The following NALF1 variants were observed in gnomAD, a reference collection of about 807,000 sequenced individuals.
The protein encoded by NALF1 is family with sequence similarity 155 member A.
Under a neutral mutation model 48.4 loss-of-function variants are expected in NALF1, and 3 were observed. The ratio of observed to expected loss-of-function variants is 0.06; its 90% CI spans 0.03 to 0.16. The LOEUF is 0.16. NALF1 is among the 10% of genes least tolerant of loss of function. NALF1 has a pLI of 1.00. For missense variants in NALF1, 526 were observed against 571.5 expected (o/e 0.92, Z 0.81); for synonymous variants, 262 against 245.7 (o/e 1.07, Z -0.62).
chr13:107,509,837 A>C (rs1875822845), intron 1 of NALF1, among the ~76,000 whole-genome samples: 1 of 151,910 alleles, frequency 6.6e-6, no homozygotes, highest in South Asian at 2.1e-4. Context: ...TTAGGGTTTC[A>C]CTCTGTCACC....
At chr13:107,501,078 T>C (rs1029625526) in intron 1 of NALF1, among the ~76,000 whole-genome samples, 2 of 151,858 alleles carry the variant, frequency 1.3e-5, no homozygotes, top group Non-Finnish European at 2.9e-5. Context: ...ATTGTGCACA[T>C]GTACCCTAAA....
intron 1 of NALF1, among the ~76,000 whole-genome samples, chr13:107,730,300 C>T (rs1271233844): frequency 6.6e-6 from 1 of 152,176 alleles, no homozygotes; most frequent in Non-Finnish European, 1.5e-5. Context: ...CAGTGGGATT[C>T]AGGCTCAATC....
At chr13:107,441,131 T>A (rs1055146209) in intron 1 of NALF1, among the ~76,000 whole-genome samples, 1 of 152,192 alleles carries the variant, frequency 6.6e-6, no homozygotes, top group South Asian at 2.1e-4. Context: ...TATTAAAAAA[T>A]ATCAGACTGA....
intron 1 of NALF1, among the ~76,000 whole-genome samples, chr13:107,224,509 T>C (rs1427757960): frequency 3.3e-5 from 5 of 150,624 alleles, no homozygotes; most frequent in Non-Finnish European, 5.9e-5. Flanking sequence ...TGGCAATTGG[T>C]AAAAAAGGTA....
At chr13:107,754,354 A>AACACACACACAC (rs6145234) in intron 1 of NALF1, among the ~76,000 whole-genome samples, 1 of 142,308 alleles carries the variant, frequency 7.0e-6, no homozygotes, top group Non-Finnish European at 1.5e-5. Context: ...GTACATTGTG[A>AACACACACACAC]ACACACACAC....
intron 1 of NALF1, among the ~76,000 whole-genome samples, chr13:107,854,421 A>ACCAG (rs2138644855): frequency 6.6e-6 from 1 of 152,300 alleles, no homozygotes; most frequent in East Asian, 1.9e-4. Flanking sequence ...GTCCATAACC[A>ACCAG]CCAGTCTGCT....
intron 1 of NALF1, among the ~76,000 whole-genome samples, chr13:107,731,651 G>A (rs1475907832): frequency 1.3e-5 from 2 of 152,164 alleles, no homozygotes; most frequent in Admixed American, 6.6e-5. Context: ...AGAACAGGCA[G>A]TATTTGTTTT....
At chr13:107,209,236 T>C (rs1879707115) in intron 2 of NALF1, among the ~76,000 whole-genome samples, 1 of 152,212 alleles carries the variant, frequency 6.6e-6, no homozygotes, top group Non-Finnish European at 1.5e-5. Context: ...CTGGGCACAG[T>C]GGCTCACGCC....
chr13:107,712,954 T>C (rs1875648052), intron 1 of NALF1, among the ~76,000 whole-genome samples: 1 of 152,216 alleles, frequency 6.6e-6, no homozygotes, highest in African/African-American at 2.4e-5. Flanking sequence ...TCCACCTGTC[T>C]GGAGGTGGAC....
At chr13:107,855,912 A>ATT (rs201378763) in intron 1 of NALF1, among the ~76,000 whole-genome samples, 70 of 147,576 alleles carry the variant, frequency 4.7e-4, no homozygotes, top group Non-Finnish European at 6.9e-4. Flanking sequence ...AAGAGCGAGA[A>ATT]TTTTTTTTTT....
chr13:107,422,561 T>C (rs931553753), intron 1 of NALF1, among the ~76,000 whole-genome samples: 1 of 151,854 alleles, frequency 6.6e-6, no homozygotes, highest in Admixed American at 6.6e-5. Flanking sequence ...TTCAACTTCC[T>C]GCTTCATGTT....
intron 1 of NALF1, among the ~76,000 whole-genome samples, chr13:107,567,389 A>G (rs1292452599): frequency 6.6e-6 from 1 of 152,252 alleles, no homozygotes; most frequent in Non-Finnish European, 1.5e-5. Flanking sequence ...TAGGACCTCA[A>G]GTCAGAAATT....
At chr13:107,496,083 G>A (rs1875324442) in intron 1 of NALF1, among the ~76,000 whole-genome samples, 1 of 152,036 alleles carries the variant, frequency 6.6e-6, no homozygotes, top group African/African-American at 2.4e-5. Context: ...TACCAGAAAT[G>A]GGCAAACAAG....
intron 2 of NALF1, among the ~76,000 whole-genome samples, chr13:107,185,097 G>A (rs946853687): frequency 2.0e-5 from 3 of 152,148 alleles, no homozygotes; most frequent in Admixed American, 1.3e-4. Context: ...TTAGAGCAGC[G>A]CAACTACAGG....
intron 1 of NALF1, among the ~76,000 whole-genome samples, chr13:107,671,085 A>C (rs1046090133): frequency 1.3e-5 from 2 of 152,150 alleles, no homozygotes; most frequent in African/African-American, 2.4e-5. Flanking sequence ...ATTTTAATGG[A>C]GTAGAACAAA....
intron 1 of NALF1, chr13:107,321,049 G>T (rs1882245141): frequency 6.6e-6 from 1 of 152,120 alleles, no homozygotes; most frequent in Non-Finnish European, 1.5e-5. Flanking sequence ...AAAATGTGGA[G>T]AAATGGAAAA....
intron 1 of NALF1, among the ~76,000 whole-genome samples, chr13:107,331,314 A>G (rs1173070245): frequency 6.6e-6 from 1 of 152,146 alleles, no homozygotes; most frequent in Non-Finnish European, 1.5e-5. Flanking sequence ...AAGACGGAGG[A>G]TCAATTTGTT....
chr13:107,639,957 T>C (rs908406522), intron 1 of NALF1, among the ~76,000 whole-genome samples: 1 of 152,180 alleles, frequency 6.6e-6, no homozygotes, highest in African/African-American at 2.4e-5. Context: ...ACACATCTTA[T>C]ATTACAGCTG....
Position 107,785,886 on chromosome 13 carries a change from T to C in NALF1, c.915+79796A>G, listed in dbSNP as rs569204343. Among the ~76,000 whole-genome samples, 238 of 152,202 alleles carry C rather than the reference T, an allele frequency of 1.6e-3. 1 individual carries two copies. Among genetic ancestry groups the C allele is most frequent in the Non-Finnish European group, 1.5e-3 (101 of 68,020 alleles). On this transcript the variant is annotated intron_variant, in intron 1 of 2. Coordinates refer to ENST00000375915, the MANE Select transcript of NALF1 (RefSeq NM_001080396.3). ...TACAGGCCACAGAGGACACTCAAAT[T>C]GGGACAATGTGAGGAGGTTTTATTT...
Sources: allele counts gnomAD v4.1 joint callset (sites outside exome capture counted in the v4.1 genomes callset), GRCh38; gene constraint gnomAD v4.1.1; transcripts MANE v1.5; gene names NCBI Gene and HGNC (gene_info 2026-07-23, HGNC 2026-07-21).